UBE3D: variants seen among roughly 807,000 people sequenced by gnomAD.
UBE3D encodes E3 ubiquitin-protein ligase E3D.
Under a neutral mutation model 49.6 loss-of-function variants are expected in UBE3D, and 48 were observed. The observed-to-expected ratio is 0.97, with a 90% CI of 0.77 to 1.23. The LOEUF (loss-of-function observed/expected upper bound fraction) is 1.23, where lower values mean the gene tolerates loss of function less well. Ranked by LOEUF, UBE3D falls within the 50% of genes most tolerant of loss-of-function variation. UBE3D has a pLI of 0.00. For missense variants in UBE3D, 452 were observed against 468.4 expected, an observed-to-expected ratio of 0.96 and a Z score of 0.32; for synonymous variants, 189 against 174.2, an observed-to-expected ratio of 1.08 and a Z score of -0.67.
chr6:82,986,837 T>A (rs1778551183), intron 8 of UBE3D, among the ~76,000 whole-genome samples: 1 of 148,532 alleles, frequency 6.7e-6, no homozygotes, highest in Non-Finnish European at 1.5e-5. Flanking sequence ...AATTACAAAG[T>A]TTTTCATAGG....
At chr6:82,955,593 T>C (rs906018439) in intron 9 of UBE3D, among the ~76,000 whole-genome samples, 5 of 152,206 alleles carry the variant, frequency 3.3e-5, no homozygotes, top group African/African-American at 1.2e-4. Context: ...GAAATATGGA[T>C]AGACAGAATT....
Position 82,992,776 on chromosome 6 carries a change from G to C in UBE3D, c.1010+26197C>G, listed in dbSNP as rs1778981717. On this transcript the variant is annotated intron_variant, in intron 8 of 9. Coordinates refer to ENST00000369747, the MANE Select transcript of UBE3D (RefSeq NM_198920.3). ...ATACTGGACAGGTTCAACAATGAGA[G>C]GCTGGTATACATAGTGATGTCATTT... 1.3e-5 allele frequency among the ~76,000 whole-genome samples: 2 copies of C among 152,024 alleles called. 1 individual carries two copies. Among genetic ancestry groups the C allele is most frequent in the Non-Finnish European group, 2.9e-5 (2 of 68,012 alleles).
At chr6:83,050,706 T>C (rs1385374285) in intron 3 of UBE3D, among the ~76,000 whole-genome samples, 4 of 152,236 alleles carry the variant, frequency 2.6e-5, no homozygotes, top group Non-Finnish European at 1.5e-5. Flanking sequence ...GGTTTGACAT[T>C]AATGGTCAAC....
intron 8 of UBE3D, chr6:83,017,514 T>A (rs980421748): frequency 1.3e-5 from 2 of 151,824 alleles, no homozygotes; most frequent in Non-Finnish European, 2.9e-5. Flanking sequence ...AGCATAAAAC[T>A]GAGATGCATC....
chr6:83,065,002 A>T (rs749794243), intron 1 of UBE3D, among the ~76,000 whole-genome samples: 1 of 152,244 alleles, frequency 6.6e-6, no homozygotes, highest in African/African-American at 2.4e-5. Context: ...TGTCAAACAA[A>T]ATAGAGAACA....
chr6:82,926,351 A>T (rs1773749119), intron 9 of UBE3D, among the ~76,000 whole-genome samples: 1 of 152,124 alleles, frequency 6.6e-6, no homozygotes, highest in African/African-American at 2.4e-5. Context: ...ATCATAGTTT[A>T]TCCATTCACC....
intron 9 of UBE3D, among the ~76,000 whole-genome samples, chr6:82,913,450 C>G (rs1249351744): frequency 1.3e-5 from 2 of 152,278 alleles, no homozygotes; most frequent in East Asian, 3.9e-4. Flanking sequence ...TGTCCTAACC[C>G]AACCCCTCTT....
At chr6:83,004,672 C>T (rs1779853007) in intron 8 of UBE3D, among the ~76,000 whole-genome samples, 1 of 152,184 alleles carries the variant, frequency 6.6e-6, no homozygotes. Context: ...ACTCTAGCAT[C>T]ATATTCACAC....
At chr6:83,030,960 T>C (rs1460269376) in intron 5 of UBE3D, among the ~76,000 whole-genome samples, 1 of 152,158 alleles carries the variant, frequency 6.6e-6, no homozygotes, top group Admixed American at 6.5e-5. Context: ...TAGATATCTG[T>C]GGAACTTTGA....
At chr6:82,992,318 G>C (rs956156780) in intron 8 of UBE3D, among the ~76,000 whole-genome samples, 2 of 150,102 alleles carry the variant, frequency 1.3e-5, no homozygotes, top group African/African-American at 2.5e-5. Context: ...TGCCTCCTGG[G>C]TTCAAGCAAT....
intron 8 of UBE3D, chr6:83,017,276 A>T (rs1189180312): frequency 6.6e-6 from 1 of 152,192 alleles, no homozygotes; most frequent in Non-Finnish European, 1.5e-5. Context: ...TACTTACATA[A>T]TCATAATATA....
intron 1 of UBE3D, among the ~76,000 whole-genome samples, chr6:83,059,998 G>A (rs1784067564): frequency 6.6e-6 from 1 of 152,170 alleles, no homozygotes; most frequent in African/African-American, 2.4e-5. Context: ...TTAAACAACA[G>A]ACATGGCAGA....
At chr6:83,034,356 C>G (rs1332091354) in intron 5 of UBE3D, among the ~76,000 whole-genome samples, 1 of 152,108 alleles carries the variant, frequency 6.6e-6, no homozygotes, top group East Asian at 1.9e-4. Context: ...TGTTTCTTTT[C>G]TTGTTCAACC....
chr6:82,887,074 C>T, the UBE3D span, among the ~76,000 whole-genome samples: 207 of 151,860 alleles, frequency 1.4e-3, no homozygotes, highest in African/African-American at 3.4e-3. Flanking sequence ...GAGGCTAAGG[C>T]GGGTGGACCA....
At chr6:82,948,697 A>G (rs762443698) in intron 9 of UBE3D, among the ~76,000 whole-genome samples, 1 of 152,104 alleles carries the variant, frequency 6.6e-6, no homozygotes, top group Non-Finnish European at 1.5e-5. Context: ...CAGGGATACA[A>G]GTATGATTCA....
intron 9 of UBE3D, among the ~76,000 whole-genome samples, chr6:82,942,047 G>A (rs1428278736): frequency 6.6e-6 from 1 of 152,150 alleles, no homozygotes; most frequent in African/African-American, 2.4e-5. Context: ...CAGTTTGGAG[G>A]GCTCAGAGGA....
intron 8 of UBE3D, among the ~76,000 whole-genome samples, chr6:82,969,500 T>A (rs1350971031): frequency 3.3e-5 from 5 of 151,916 alleles, no homozygotes; most frequent in African/African-American, 9.7e-5. Context: ...CTCAGCTACT[T>A]GGGAGGCTGA....
chr6:82,973,815 C>T (rs1225041394), intron 8 of UBE3D, among the ~76,000 whole-genome samples: 2 of 152,218 alleles, frequency 1.3e-5, no homozygotes, highest in Non-Finnish European at 2.9e-5. Context: ...CACTCCCCAT[C>T]ACTTACATTA....
At chr6:82,889,622 T>C (rs1770945325), downstream of UBE3D, among the ~76,000 whole-genome samples, 1 of 152,184 alleles carries the variant, frequency 6.6e-6, no homozygotes, top group Non-Finnish European at 1.5e-5. Flanking sequence ...CAGCCATCCC[T>C]GTCTGAAATA....
Sources: allele counts gnomAD v4.1 joint callset (sites outside exome capture counted in the v4.1 genomes callset), GRCh38; gene constraint gnomAD v4.1.1; transcripts MANE v1.5; gene names NCBI Gene and HGNC (gene_info 2026-07-23, HGNC 2026-07-21).